Variants in FRMD4B observed in about 807,000 individuals in gnomAD.
FRMD4B encodes FERM domain-containing protein 4B.
A neutral mutation model predicts 141.5 loss-of-function variants in FRMD4B; 74 were observed. The observed-to-expected ratio is 0.52, with a 90% CI of 0.43 to 0.63. The LOEUF (loss-of-function observed/expected upper bound fraction) is 0.63. FRMD4B is among the 30% of genes least tolerant of loss of function. The pLI, the probability that FRMD4B is intolerant of heterozygous loss-of-function variation, is 0.00. For missense variants in FRMD4B, 1,366 were observed against 1,253.4 expected (o/e 1.09, Z -1.36); for synonymous variants, 506 against 467.9 (o/e 1.08, Z -1.05).
chr3:69,200,358 T>G (rs973432401), intron 11 of FRMD4B: 20 of 873,852 alleles, frequency 2.3e-5, no homozygotes, highest in Non-Finnish European at 2.5e-5. Context: ...AATAAAAGTA[T>G]AAAGTTACAT....
intron 1 of FRMD4B, among the ~76,000 whole-genome samples, chr3:69,463,278 C>T (rs568994995): frequency 4.6e-5 from 7 of 152,196 alleles, no homozygotes; most frequent in East Asian, 1.9e-4. Flanking sequence ...AAATGACAAT[C>T]GTAGAATCTA....
At chr3:69,423,258 C>A (rs1337558877) in intron 2 of FRMD4B, among the ~76,000 whole-genome samples, 2 of 152,170 alleles carry the variant, frequency 1.3e-5, no homozygotes, top group Non-Finnish European at 2.9e-5. Context: ...AAGTGATCCT[C>A]CCGCCTTGGC....
intron 5 of FRMD4B, among the ~76,000 whole-genome samples, chr3:69,277,689 G>A (rs897741488): frequency 1.5e-4 from 23 of 151,010 alleles, no homozygotes; most frequent in African/African-American, 5.6e-4. Flanking sequence ...GCACCACCAC[G>A]CCCAGCTAAT....
intron 4 of FRMD4B, among the ~76,000 whole-genome samples, chr3:69,300,695 T>C (rs562832773): frequency 3.3e-5 from 5 of 152,324 alleles, no homozygotes; most frequent in South Asian, 2.1e-4. Flanking sequence ...GCACAAAAGA[T>C]GAAAGTGCAA....
chr3:69,354,300 G>C (rs973575894), intron 1 of FRMD4B, among the ~76,000 whole-genome samples: 1 of 152,144 alleles, frequency 6.6e-6, no homozygotes, highest in African/African-American at 2.4e-5. Flanking sequence ...CTTGAAGGCA[G>C]AGAGAAAAAC....
chr3:69,193,645 A>C lies in FRMD4B; in HGVS notation c.1714+3T>G. 6.3e-7 allele frequency: 1 copy of C among 1,585,458 alleles called. No homozygotes were observed. Among genetic ancestry groups the C allele is most frequent in the Non-Finnish European group, 8.6e-7 (1 of 1,158,270 alleles). ...AAAAAAAAAAACCTTACTTATTACT[A>C]ACCTGGTAACACTGTTGCTTTCTGG... On this transcript the variant is annotated splice_donor_region_variant and intron_variant, in intron 17 of 22. Transcript: ENST00000398540.
chr3:69,454,550 G>T (rs891170008), intron 1 of FRMD4B, among the ~76,000 whole-genome samples: 1 of 152,188 alleles, frequency 6.6e-6, no homozygotes, highest in Non-Finnish European at 1.5e-5. Flanking sequence ...CGGCGCCACC[G>T]GCCCCGGGCA....
At chr3:69,180,878 G>A (rs545542453) in intron 21 of FRMD4B, 21 bp downstream of exon 21, 95 of 1,492,404 alleles carry the variant, frequency 6.4e-5, no homozygotes, top group Middle Eastern at 1.8e-4. Context: ...CAGGTGTTGC[G>A]TGTTTTTACA....
chr3:69,277,898 C>G (rs1160533773), intron 5 of FRMD4B, among the ~76,000 whole-genome samples: 2 of 150,012 alleles, frequency 1.3e-5, no homozygotes, highest in Non-Finnish European at 3.0e-5. Context: ...CTCTGTCTCC[C>G]AGGCTGGAGT....
chr3:69,302,328 T>A lies in FRMD4B; in HGVS notation c.416+15A>T. ...CAAAAAAAGAGGGATGCTAACTGGGTCTGTGGATACATACCTCACAGCAAA... is the reference window on the plus strand; with the variant it reads ...CAAAAAAAGAGGGATGCTAACTGGGACTGTGGATACATACCTCACAGCAAA... On this transcript the variant is annotated intron_variant, in intron 4 of 22. Coordinates refer to ENST00000398540, the MANE Select transcript of FRMD4B (RefSeq NM_015123.3). The A allele has an allele frequency of 7.1e-7, 1 of 1,410,408 alleles. No homozygotes were observed. Among genetic ancestry groups the A allele is most frequent in the Non-Finnish European group, 1.0e-6 (1 of 998,026 alleles). 87.4% of individuals were successfully genotyped at this position (1,410,408 alleles called of 1,614,324 possible).
intron 2 of FRMD4B, among the ~76,000 whole-genome samples, chr3:69,396,831 T>C (rs926264130): frequency 2.6e-5 from 4 of 152,222 alleles, no homozygotes; most frequent in Non-Finnish European, 4.4e-5. Flanking sequence ...TTCCTAAGTA[T>C]GTGCCCCACA....
intron 5 of FRMD4B, among the ~76,000 whole-genome samples, chr3:69,262,070 G>A (rs1000586303): frequency 2.6e-5 from 4 of 151,518 alleles, no homozygotes; most frequent in Non-Finnish European, 4.4e-5. Flanking sequence ...AGGTGCAAGC[G>A]ATTCTCATGC....
At chr3:69,380,990 C>G (rs146767650) in intron 1 of FRMD4B, among the ~76,000 whole-genome samples, 159 of 152,284 alleles carry the variant, frequency 1.0e-3, no homozygotes, top group African/African-American at 3.2e-3. Flanking sequence ...AAAACCCATC[C>G]AGGCAAGATA....
intron 2 of FRMD4B, among the ~76,000 whole-genome samples, chr3:69,398,376 A>G (rs1323760615): frequency 6.6e-6 from 1 of 152,182 alleles, no homozygotes; most frequent in African/African-American, 2.4e-5. Flanking sequence ...TCCATCATGT[A>G]AAACATTTAT....
intron 21 of FRMD4B, among the ~76,000 whole-genome samples, chr3:69,177,753 T>TGG (rs1443198311): frequency 6.6e-6 from 1 of 152,174 alleles, no homozygotes; most frequent in Non-Finnish European, 1.5e-5. Context: ...ATTCACGCTA[T>TGG]GGTGTTATAA....
At chr3:69,380,644 A>G (rs1704092042) in intron 1 of FRMD4B, among the ~76,000 whole-genome samples, 1 of 152,200 alleles carries the variant, frequency 6.6e-6, no homozygotes, top group South Asian at 2.1e-4. Flanking sequence ...TTGAGCCTAC[A>G]GACTCTGCCG....
intron 7 of FRMD4B, among the ~76,000 whole-genome samples, chr3:69,234,550 C>G (rs1172959252): frequency 6.6e-6 from 1 of 152,120 alleles, no homozygotes; most frequent in Non-Finnish European, 1.5e-5. Flanking sequence ...TAGAACCTGG[C>G]CTTCAATGAT....
intron 1 of FRMD4B, among the ~76,000 whole-genome samples, chr3:69,498,159 A>G (rs565559081): frequency 1.5e-3 from 232 of 152,338 alleles, no homozygotes; most frequent in African/African-American, 5.1e-3. Flanking sequence ...TGAAAAGAGA[A>G]CAATGCCTCC....
chr3:69,240,730 AAC>A (rs1231321420), intron 7 of FRMD4B, among the ~76,000 whole-genome samples: 1 of 152,164 alleles, frequency 6.6e-6, no homozygotes, highest in African/African-American at 2.4e-5. Context: ...TAGCCATCTG[AAC>A]ACAGATAAGA....
Sources: gnomAD v4.1 joint callset for allele counts (sites outside exome capture counted in the v4.1 genomes callset) on GRCh38, gnomAD v4.1.1 for gene constraint, MANE v1.5 for transcripts, NCBI Gene and HGNC (gene_info 2026-07-23, HGNC 2026-07-21) for gene names.